The following ARHGAP42 variants were observed in gnomAD, a reference collection of about 807,000 sequenced individuals.
The protein encoded by ARHGAP42 is Rho GTPase activating protein 42.
Under a neutral mutation model 125.0 loss-of-function variants are expected in ARHGAP42, and 63 were observed. The observed-to-expected ratio is 0.50, with a 90% CI of 0.41 to 0.62. ARHGAP42 has a LOEUF of 0.62. ARHGAP42 is among the 20% of genes least tolerant of loss of function. The pLI, the probability that ARHGAP42 is intolerant of heterozygous loss-of-function variation, is 0.00. For missense variants in ARHGAP42, 766 were observed against 1,024.2 expected (o/e 0.75, Z 3.44); for synonymous variants, 339 against 351.0 (o/e 0.97, Z 0.38).
At chr11:100,926,882 A>T (rs1278857750) in intron 6 of ARHGAP42, among the ~76,000 whole-genome samples, 1 of 152,226 alleles carries the variant, frequency 6.6e-6, no homozygotes, top group African/African-American at 2.4e-5. Flanking sequence ...TTTTAATTTT[A>T]GCCTTCTAAA....
intron 1 of ARHGAP42, among the ~76,000 whole-genome samples, chr11:100,759,676 A>T (rs1006886375): frequency 2.6e-5 from 4 of 152,210 alleles, no homozygotes. Flanking sequence ...AGTACATCTA[A>T]TACGAGAGGA....
chr11:100,817,825 A>G (rs559126691), intron 3 of ARHGAP42, among the ~76,000 whole-genome samples: 3 of 152,170 alleles, frequency 2.0e-5, no homozygotes, highest in African/African-American at 4.8e-5. Context: ...TTAACCTCAC[A>G]GAAGATTACT....
chr11:100,763,460 G>C (rs1347202746), intron 1 of ARHGAP42, among the ~76,000 whole-genome samples: 2 of 152,118 alleles, frequency 1.3e-5, no homozygotes, highest in East Asian at 3.9e-4. Context: ...AGAAAGTAGA[G>C]GAATGAGCAT....
chr11:100,790,092 AT>A (rs1424430394), intron 2 of ARHGAP42, among the ~76,000 whole-genome samples: 5 of 152,194 alleles, frequency 3.3e-5, no homozygotes, highest in African/African-American at 1.2e-4. Flanking sequence ...AATTTTTAAC[AT>A]TTTCTCTCAT....
chr11:100,793,730 T>C (rs1341032327), intron 2 of ARHGAP42, among the ~76,000 whole-genome samples: 1 of 152,180 alleles, frequency 6.6e-6, no homozygotes, highest in African/African-American at 2.4e-5. Flanking sequence ...TCTCACAGGA[T>C]GTTTCCGGTA....
intron 1 of ARHGAP42, among the ~76,000 whole-genome samples, chr11:100,750,919 T>G (rs944933905): frequency 9.2e-5 from 14 of 151,672 alleles, no homozygotes; most frequent in African/African-American, 3.4e-4. Context: ...GCTTTCTTCA[T>G]TCTTCCTTGA....
At chr11:100,779,192 A>T (rs1863205987) in intron 2 of ARHGAP42, among the ~76,000 whole-genome samples, 1 of 151,920 alleles carries the variant, frequency 6.6e-6, no homozygotes, top group Non-Finnish European at 1.5e-5. Flanking sequence ...CACGCCTGTA[A>T]TCCCAGCACT....
At chr11:100,818,023 T>C (rs1864310321) in intron 3 of ARHGAP42, among the ~76,000 whole-genome samples, 2 of 152,184 alleles carry the variant, frequency 1.3e-5, no homozygotes, top group Non-Finnish European at 2.9e-5. Flanking sequence ...TTGCAAACCA[T>C]TCATATTGGC....
chr11:100,689,922 A>G (rs1185455833), intron 1 of ARHGAP42, among the ~76,000 whole-genome samples: 1 of 152,132 alleles, frequency 6.6e-6, no homozygotes, highest in South Asian at 2.1e-4. Flanking sequence ...CTTAGGAAGG[A>G]TGCTCTGAGG....
Position 100,961,681 on chromosome 11 carries a change from C to T in ARHGAP42, c.1301-3C>T, listed in dbSNP as rs1434468551. On this transcript the variant is annotated splice_polypyrimidine_tract_variant and splice_region_variant and intron_variant, in intron 14 of 23. Coordinates refer to ENST00000298815, the MANE Select transcript of ARHGAP42 (RefSeq NM_152432.4). ...TTTAAACACCTTGTTTTATTCTTTC[C>T]AGCTCCTAAATCCCCTCCTGATATT... 1.9e-6 allele frequency: 3 copies of T among 1,550,222 alleles called. No individual in the cohort carries two copies. The highest frequency in any genetic ancestry group is 2.0e-5 in the Admixed American group (1 of 50,800).
At chr11:100,882,072 A>T (rs947984800) in intron 4 of ARHGAP42, among the ~76,000 whole-genome samples, 1 of 152,184 alleles carries the variant, frequency 6.6e-6, no homozygotes, top group Non-Finnish European at 1.5e-5. Flanking sequence ...ACTAATTTGG[A>T]TGCCCTTTAC....
At chr11:100,847,122 A>G (rs983400356) in intron 3 of ARHGAP42, among the ~76,000 whole-genome samples, 1 of 152,018 alleles carries the variant, frequency 6.6e-6, no homozygotes, top group Non-Finnish European at 1.5e-5. Flanking sequence ...TTCACTTAAC[A>G]CCCTCCCACT....
chr11:100,881,346 G>GC (rs1331266736), intron 4 of ARHGAP42, among the ~76,000 whole-genome samples: 66 of 152,146 alleles, frequency 4.3e-4, no homozygotes, highest in African/African-American at 1.5e-3. Flanking sequence ...TCCTTTCCCT[G>GC]CTTTATGTTT....
chr11:100,920,566 A>G (rs1040795827), intron 5 of ARHGAP42, among the ~76,000 whole-genome samples: 3 of 152,150 alleles, frequency 2.0e-5, no homozygotes, highest in Admixed American at 1.3e-4. Flanking sequence ...ACTGGCGACA[A>G]GGAAGGTAGA....
chr11:100,833,935 A>C (rs1298631494), intron 3 of ARHGAP42, among the ~76,000 whole-genome samples: 1 of 152,158 alleles, frequency 6.6e-6, no homozygotes, highest in Non-Finnish European at 1.5e-5. Flanking sequence ...AAATATCATT[A>C]GGAGGTTGTG....
intron 22 of ARHGAP42, among the ~76,000 whole-genome samples, chr11:100,983,923 G>A (rs1199194821): frequency 6.6e-6 from 1 of 152,170 alleles, no homozygotes; most frequent in Non-Finnish European, 1.5e-5. Flanking sequence ...TGGACCGCCT[G>A]AGCCCAGGAA....
intron 3 of ARHGAP42, among the ~76,000 whole-genome samples, chr11:100,833,306 A>C (rs576508441): frequency 1.2e-3 from 190 of 152,324 alleles, no homozygotes; most frequent in African/African-American, 4.4e-3. Context: ...GTATCTTTTA[A>C]ATGTGCTATC....
At chr11:100,843,496 AAAG>A (rs1864989046) in intron 3 of ARHGAP42, among the ~76,000 whole-genome samples, 1 of 152,166 alleles carries the variant, frequency 6.6e-6, no homozygotes, top group Non-Finnish European at 1.5e-5. Context: ...CCAAATAGGT[AAAG>A]AAGAAATCAA....
At chr11:100,963,956 A>G (rs1408182191) in intron 16 of ARHGAP42, among the ~76,000 whole-genome samples, 3 of 152,138 alleles carry the variant, frequency 2.0e-5, no homozygotes, top group African/African-American at 7.2e-5. Flanking sequence ...TTTGGTCACA[A>G]GTTTTTTCTC....
Sources: allele counts gnomAD v4.1 joint callset (sites outside exome capture counted in the v4.1 genomes callset), GRCh38; gene constraint gnomAD v4.1.1; transcripts MANE v1.5; gene names NCBI Gene and HGNC (gene_info 2026-07-23, HGNC 2026-07-21).